PSMB3: variants seen among roughly 807,000 people sequenced by gnomAD.
The protein encoded by PSMB3 is proteasome 20S subunit beta 3, also known as proteasome subunit beta type-3.
In PSMB3, 5 loss-of-function variants were observed where a neutral mutation model predicts 23.3. The observed-to-expected ratio is 0.21, with a 90% CI of 0.11 to 0.45. PSMB3 has a LOEUF of 0.45. Among genes scored for constraint, PSMB3 ranks in the 20% least tolerant of loss-of-function variants. The pLI is 0.99. For synonymous variants in PSMB3, 85 were observed against 99.8 expected (o/e 0.85, Z 0.88); for missense variants, 192 against 277.9 (o/e 0.69, Z 2.20).
intron 3 of PSMB3, among the ~76,000 whole-genome samples, chr17:38,758,402 C>T (rs1408911390): frequency 6.6e-6 from 1 of 151,704 alleles, no homozygotes; most frequent in Non-Finnish European, 1.5e-5. Context: ...TGCAGTGGTG[C>T]GATCATGGCT....
chr17:38,752,971 C>T lies in PSMB3; in HGVS notation c.3+142C>T, dbSNP rs1907999881. ...GAGGGGAGCGGGCCCCGGTGAGGAC[C>T]AAGAGGGTGAGTGCGGCTCATTGCC... On this transcript the variant is annotated intron_variant, in intron 1 of 5. Transcript: ENST00000619426. This position sits in a 1 kb window ranked among gnomAD's most constrained non-coding sequence, Gnocchi z 5.5. 1 of 1,359,982 alleles carries T rather than the reference C, an allele frequency of 7.4e-7. No individual in the cohort carries two copies. The highest frequency in any genetic ancestry group is 1.3e-5 in the South Asian group (1 of 76,436). The allele number at this position is 1,359,982 out of a possible 1,614,324, so 84.2% of individuals were successfully genotyped here.
At chr17:38,757,245 G>C (rs184732610) in intron 3 of PSMB3, among the ~76,000 whole-genome samples, 39 of 152,088 alleles carry the variant, frequency 2.6e-4, no homozygotes. Context: ...CTTGCTGGGC[G>C]TGGTGGCTCA....
intron 4 of PSMB3, 49 bp from the exon 5 acceptor site, chr17:38,762,362 A>G (rs773567667): frequency 1.3e-6 from 2 of 1,538,422 alleles, no homozygotes; most frequent in South Asian, 1.1e-5. Flanking sequence ...GGACCAGACC[A>G]AATCAGAGCC....
Position 38,764,175 on chromosome 17 carries a change from C to T in PSMB3, c.*8C>T. 1 of 1,613,720 alleles carries T rather than the reference C, an allele frequency of 6.2e-7. No homozygotes were observed. The highest frequency in any genetic ancestry group is 1.1e-5 in the South Asian group (1 of 90,984). On this transcript the variant is annotated 3_prime_UTR_variant, in exon 6 of 6. Coordinates refer to ENST00000619426, the MANE Select transcript of PSMB3 (RefSeq NM_002795.4). ...AAGGCCCGAATGGACTAACCCTGTT[C>T]CCAGAGCCCACTTTTTTTTCTTTTT...
chr17:38,762,459 G>A lies in PSMB3; in HGVS notation c.523G>A (p.Val175Met), dbSNP rs1298239358. The part of the protein sequence containing the change: ...ETISQAMLNA[V>M]DRDAVSGMGV... ...CATCTCCCAAGCCATGCTGAATGCT[G>A]TGGACCGGGATGCAGTGTCAGGCAT... The change falls in exon 5 of 6, where the codon GTG becomes ATG. Residue 175 changes from valine to methionine, a missense_variant. By Grantham distance (21) the Val-to-Met change is conservative. Transcript: ENST00000619426. The A allele has an allele frequency of 7.4e-6, 12 of 1,614,216 alleles. No homozygotes were observed. The highest frequency in any genetic ancestry group is 8.5e-6 in the Non-Finnish European group (10 of 1,180,032).
At chr17:38,757,475 G>C (rs1015797309) in intron 3 of PSMB3, among the ~76,000 whole-genome samples, 2 of 151,586 alleles carry the variant, frequency 1.3e-5, no homozygotes, top group Non-Finnish European at 2.9e-5. Flanking sequence ...CCAAGATCAT[G>C]CCACTGTACT....
At chr17:38,754,798 T>C (rs1908083230) in intron 2 of PSMB3, among the ~76,000 whole-genome samples, 1 of 152,216 alleles carries the variant, frequency 6.6e-6, no homozygotes, top group African/African-American at 2.4e-5. Context: ...TCTAAGTCTC[T>C]TTGCTCTGGT....
chr17:38,763,882 C>T (rs1230411424), intron 5 of PSMB3, among the ~76,000 whole-genome samples: 2 of 152,210 alleles, frequency 1.3e-5, no homozygotes, highest in Non-Finnish European at 2.9e-5. Context: ...GTGGTTCCAC[C>T]TGTGGAAAGT....
At chr17:38,755,627 C>T (rs995865310) in intron 2 of PSMB3, among the ~76,000 whole-genome samples, 13 of 131,312 alleles carry the variant, frequency 9.9e-5, no homozygotes, top group East Asian at 6.8e-4. Context: ...CCAGCCTGGG[C>T]GACGAGTGAG....
At chr17:38,753,366 GC>G (rs1478693409) in intron 2 of PSMB3, 32 bp downstream of exon 2, 6 of 1,600,600 alleles carry the variant, frequency 3.7e-6, no homozygotes, top group Non-Finnish European at 5.1e-6. Context: ...CCACACCCAG[GC>G]CTCTTCTTGG....
At chr17:38,762,335 G>T in intron 4 of PSMB3, 76 bp from the exon 5 acceptor site, 1 of 1,272,240 alleles carries the variant, frequency 7.9e-7, no homozygotes, top group Middle Eastern at 1.9e-4. Flanking sequence ...CTTGAGCCTA[G>T]AAAAAAGAGA....
At chr17:38,759,912 G>C (rs917829057) in intron 3 of PSMB3, among the ~76,000 whole-genome samples, 6 of 152,136 alleles carry the variant, frequency 3.9e-5, no homozygotes, top group Admixed American at 3.9e-4. Flanking sequence ...ATTTCCTTTT[G>C]ACAATGAGAG....
In PSMB3 at chr17:38,752,998, CCA is replaced by C. The variant is rs1305323660; in HGVS notation, c.4-147_4-146del. 4.5e-5 allele frequency: 55 copies of C among 1,234,024 alleles called. No homozygotes were observed. The highest frequency in any genetic ancestry group is 2.7e-4 in the Middle Eastern group (1 of 3,638). 76.4% of individuals were successfully genotyped at this position (1,234,024 alleles called of 1,614,324 possible). ...AGAGGGTGAGTGCGGCTCATTGCCG[CCA>C]CACAGTGCTCATCCCAGCTGGAGAA... On this transcript the variant is annotated intron_variant, in intron 1 of 5. Transcript: ENST00000619426. This position sits in a 1 kb window ranked among gnomAD's most constrained non-coding sequence, Gnocchi z 5.5.
In PSMB3 at chr17:38,756,031, C is replaced by G. The variant is rs867431644; in HGVS notation, c.296+41C>G. 3.4e-6 allele frequency: 5 copies of G among 1,482,738 alleles called. No individual in the cohort carries two copies. In the South Asian group the frequency reaches 4.5e-5, roughly 13 times the overall value. 91.8% of individuals were successfully genotyped at this position (1,482,738 alleles called of 1,614,324 possible). A position where few individuals can be genotyped will look rare whatever the true frequency, so the allele number is the denominator to read the frequency against. ...GCTAGCACTGAGGGAATGCAGACAT[C>G]TTTGAATGTAGTATGGAGTAGGTAC... On this transcript the variant is annotated intron_variant, in intron 3 of 5. Coordinates refer to ENST00000619426, the MANE Select transcript of PSMB3 (RefSeq NM_002795.4).
chr17:38,762,126 A>C lies in PSMB3; in HGVS notation c.475-285A>C, dbSNP rs1004870128. 5 of 383,376 alleles carry C rather than the reference A, an allele frequency of 1.3e-5. No homozygotes were observed. The East Asian group carries it at 1.8e-4, about 14-fold the overall frequency. The allele number at this position is 383,376 out of a possible 1,614,324, so 23.7% of individuals were successfully genotyped here. ...GATTCTTCTCCCTATTTTACAGAGA[A>C]ACTGAGGCTCAGTGAAGAGAGACAT... On this transcript the variant is annotated intron_variant, in intron 4 of 5. Transcript: ENST00000619426.
At chr17:38,755,682 ATGTGTGTGTGTG>A (rs67600372) in intron 2 of PSMB3, among the ~76,000 whole-genome samples, 189 bp from the exon 3 acceptor site, 19 of 90,276 alleles carry the variant, frequency 2.1e-4, no homozygotes, top group Non-Finnish European at 3.4e-4. Flanking sequence ...ATATATATAT[ATGTGTGTGTGTG>A]TGTGTGTGTG....
Position 38,752,826 on chromosome 17 carries a change from C to T in PSMB3, c.-1C>T. The T allele has an allele frequency of 6.2e-7, 1 of 1,613,992 alleles. No individual in the cohort carries two copies. Among genetic ancestry groups the T allele is most frequent in the Non-Finnish European group, 8.5e-7 (1 of 1,179,992 alleles). On this transcript the variant is annotated 5_prime_UTR_variant, in exon 1 of 6. Transcript: ENST00000619426. The surrounding 1 kb of genome is among the most constrained non-coding windows in gnomAD (Gnocchi z 5.5). ...TCGAGGGATCCTAGTACACCGCAAT[C>T]ATGGTGAGATGGGGAGTTAAAGCAA...
At chr17:38,757,473 A>G (rs1352999248) in intron 3 of PSMB3, among the ~76,000 whole-genome samples, 1 of 151,698 alleles carries the variant, frequency 6.6e-6, no homozygotes, top group Non-Finnish European at 1.5e-5. Context: ...AGCCAAGATC[A>G]TGCCACTGTA....
chr17:38,762,573 A>C, intron 5 of PSMB3, 68 bp downstream of exon 5: 1 of 1,435,516 alleles, frequency 7.0e-7, no homozygotes, highest in African/African-American at 1.4e-5. Context: ...CTCCACGAGC[A>C]TACACCCCAT....
Sources: allele counts gnomAD v4.1 joint callset (sites outside exome capture counted in the v4.1 genomes callset), GRCh38; gene constraint gnomAD v4.1.1; non-coding constraint Gnocchi (gnomAD v3.1); transcripts MANE v1.5; gene names NCBI Gene and HGNC (gene_info 2026-07-23, HGNC 2026-07-21).